MACROD2: variants seen among roughly 807,000 people sequenced by gnomAD.
MACROD2 encodes ADP-ribose glycohydrolase MACROD2.
MACROD2 carries 36 observed loss-of-function variants against 70.4 expected under a neutral mutation model. The ratio of observed to expected loss-of-function variants is 0.51; its 90% CI spans 0.39 to 0.68. The LOEUF is 0.68. MACROD2 is among the 30% of genes least tolerant of loss of function. The probability of loss-of-function intolerance (pLI) is 0.00; values close to 1 mark genes in which losing one functional copy is unlikely to be tolerated. For synonymous variants in MACROD2, 172 were observed against 178.8 expected, an observed-to-expected ratio of 0.96 and a Z score of 0.30; for missense variants, 496 against 538.4, an observed-to-expected ratio of 0.92 and a Z score of 0.78.
chr20:14,059,856 C>T (rs771748854), intron 2 of MACROD2, among the ~76,000 whole-genome samples: 1 of 152,092 alleles, frequency 6.6e-6, no homozygotes, highest in African/African-American at 2.4e-5. Flanking sequence ...GAAGGGACCA[C>T]TTTAGGTAGG....
intron 4 of MACROD2, among the ~76,000 whole-genome samples, chr20:14,538,350 C>G (rs1568660121): frequency 6.6e-6 from 1 of 152,192 alleles, no homozygotes; most frequent in South Asian, 2.1e-4. Context: ...AAGGCTGGAG[C>G]AATGGAGGAG....
intron 8 of MACROD2, among the ~76,000 whole-genome samples, chr20:15,570,050 C>T (rs948770152): frequency 9.2e-5 from 14 of 151,766 alleles, no homozygotes; most frequent in African/African-American, 3.4e-4. Context: ...TTTTGAGGAA[C>T]CTCAAAAAAT....
chr20:16,029,132 G>C (rs1187357565), intron 15 of MACROD2, among the ~76,000 whole-genome samples: 1 of 152,094 alleles, frequency 6.6e-6, no homozygotes, highest in Non-Finnish European at 1.5e-5. Context: ...CTTCTTCTTT[G>C]CATAAGGCCA....
chr20:15,451,417 TA>T (rs35308671), intron 7 of MACROD2, among the ~76,000 whole-genome samples: 1,239 of 83,374 alleles, frequency 0.015, 10 homozygotes, highest in African/African-American at 0.044. Context: ...GGGTGGTAAA[TA>T]AAAAAAAAAA....
intron 3 of MACROD2, among the ~76,000 whole-genome samples, chr20:14,118,646 A>C (rs2054543004): frequency 6.6e-6 from 1 of 152,134 alleles, no homozygotes. Context: ...CAACTTACAC[A>C]GACTTTTCAT....
intron 6 of MACROD2, among the ~76,000 whole-genome samples, chr20:15,243,207 T>C (rs1186693519): frequency 6.6e-6 from 1 of 152,132 alleles, no homozygotes; most frequent in African/African-American, 2.4e-5. Context: ...TGGGGCACTG[T>C]CCTGCACAGA....
At chr20:15,652,963 A>G (rs1287534242) in intron 8 of MACROD2, among the ~76,000 whole-genome samples, 1 of 152,166 alleles carries the variant, frequency 6.6e-6, no homozygotes, top group Non-Finnish European at 1.5e-5. Context: ...ATTATTGTTA[A>G]TTGGCCTGAT....
intron 5 of MACROD2, among the ~76,000 whole-genome samples, chr20:14,834,874 ATATATG>A (rs1191981306): frequency 1.3e-5 from 2 of 151,928 alleles, no homozygotes; most frequent in Admixed American, 1.3e-4. Context: ...ATATGTGTGT[ATATATG>A]TATATGTATA....
intron 4 of MACROD2, among the ~76,000 whole-genome samples, chr20:14,509,605 A>T (rs1365599754): frequency 2.6e-5 from 4 of 151,972 alleles, no homozygotes; most frequent in Non-Finnish European, 4.4e-5. Context: ...ATATTTGGCA[A>T]GTTATTTAAC....
chr20:14,289,211 G>A lies in MACROD2; in HGVS notation c.271+203483G>A, dbSNP rs539848862. 2.6e-5 allele frequency among the ~76,000 whole-genome samples: 4 copies of A among 152,328 alleles called. No homozygotes were observed. In the East Asian group the frequency reaches 7.7e-4, roughly 29 times the overall value. Reference sequence around the variant, plus strand: ...GAGTACTAAGATTTGGTGTCCCTGTGCTTGTGGATTCATGCAGATGTCACA... The same window carrying A: ...GAGTACTAAGATTTGGTGTCCCTGTACTTGTGGATTCATGCAGATGTCACA... On this transcript the variant is annotated intron_variant, in intron 3 of 17. Coordinates refer to ENST00000684519, the MANE Select transcript of MACROD2 (RefSeq NM_001351661.2).
At chr20:15,040,261 G>C (rs2123024389) in intron 5 of MACROD2, among the ~76,000 whole-genome samples, 1 of 151,600 alleles carries the variant, frequency 6.6e-6, no homozygotes, top group East Asian at 2.0e-4. Flanking sequence ...CTTGCAGTGA[G>C]TCGAGATCGC....
chr20:14,295,561 T>A (rs1256415973), intron 3 of MACROD2, among the ~76,000 whole-genome samples: 2 of 150,664 alleles, frequency 1.3e-5, no homozygotes, highest in East Asian at 3.9e-4. Flanking sequence ...AGGAGGGGAC[T>A]GTGTGGGGGG....
chr20:14,534,780 T>C (rs1034874788), intron 4 of MACROD2, among the ~76,000 whole-genome samples: 5 of 152,094 alleles, frequency 3.3e-5, no homozygotes, highest in East Asian at 1.9e-4. Flanking sequence ...CTATGAAATA[T>C]ATTGTTGTCC....
At chr20:15,840,583 G>T (rs1233213246) in intron 8 of MACROD2, among the ~76,000 whole-genome samples, 1 of 152,114 alleles carries the variant, frequency 6.6e-6, no homozygotes, top group African/African-American at 2.4e-5. Context: ...TACTTCCACA[G>T]AGTTGAACCT....
chr20:15,105,065 A>T (rs571806444), intron 5 of MACROD2, among the ~76,000 whole-genome samples: 2 of 152,188 alleles, frequency 1.3e-5, no homozygotes, highest in Non-Finnish European at 2.9e-5. Context: ...CGCACAACAT[A>T]TAAGTATTAT....
At chr20:15,815,405 C>A (rs2063862686) in intron 8 of MACROD2, among the ~76,000 whole-genome samples, 1 of 144,912 alleles carries the variant, frequency 6.9e-6, no homozygotes, top group African/African-American at 2.5e-5. Context: ...AATGGCAAAA[C>A]AATAGTTCTT....
At chr20:15,326,307 C>T (rs2077928113) in intron 6 of MACROD2, among the ~76,000 whole-genome samples, 1 of 152,042 alleles carries the variant, frequency 6.6e-6, no homozygotes, top group African/African-American at 2.4e-5. Flanking sequence ...TCCAGCTTTA[C>T]ATACAGCCCC....
intron 7 of MACROD2, among the ~76,000 whole-genome samples, chr20:15,459,663 G>T (rs948155999): frequency 6.6e-6 from 1 of 152,106 alleles, no homozygotes; most frequent in Non-Finnish European, 1.5e-5. Context: ...AAGTTAGTAG[G>T]GGTCTTCTGA....
chr20:14,040,397 T>A (rs918504011), intron 2 of MACROD2, among the ~76,000 whole-genome samples: 8 of 152,226 alleles, frequency 5.3e-5, no homozygotes, highest in Non-Finnish European at 1.0e-4. Flanking sequence ...TTTTTTAGCT[T>A]AATCTGTTCT....
Sources: allele counts gnomAD v4.1 joint callset (sites outside exome capture counted in the v4.1 genomes callset), GRCh38; gene constraint gnomAD v4.1.1; transcripts MANE v1.5; gene names NCBI Gene and HGNC (gene_info 2026-07-23, HGNC 2026-07-21).